Variants in AP4E1 observed in about 807,000 individuals in gnomAD.
AP4E1 encodes AP-4 complex subunit epsilon-1.
In AP4E1, 56 loss-of-function variants were observed where a neutral mutation model predicts 128.2. The ratio of observed to expected loss-of-function variants is 0.44; its 90% CI spans 0.35 to 0.55. AP4E1 has a LOEUF of 0.55. AP4E1 is among the 20% of genes least tolerant of loss of function. The pLI, the probability that AP4E1 is intolerant of heterozygous loss-of-function variation, is 0.00. For synonymous variants in AP4E1, 484 were observed against 473.1 expected, an observed-to-expected ratio of 1.02 and a Z score of -0.30; for missense variants, 1,324 against 1,307.7, an observed-to-expected ratio of 1.01 and a Z score of -0.19.
intron 8 of AP4E1, among the ~76,000 whole-genome samples, chr15:50,937,221 GTC>G (rs901740724): frequency 6.6e-6 from 1 of 152,186 alleles, no homozygotes; most frequent in African/African-American, 2.4e-5. Flanking sequence ...CAGGGACTGT[GTC>G]TCTCTTATTA....
At chr15:50,992,316 A>C (rs1030586920) in intron 16 of AP4E1, among the ~76,000 whole-genome samples, 1 of 152,196 alleles carries the variant, frequency 6.6e-6, no homozygotes, top group African/African-American at 2.4e-5. Context: ...CAAAAGTTAC[A>C]TGTGGATTTT....
chr15:50,958,388 C>T (rs981091815), intron 13 of AP4E1, 104 bp from the exon 14 acceptor site: 1 of 928,578 alleles, frequency 1.1e-6, no homozygotes, highest in Non-Finnish European at 1.6e-6. Context: ...GATGTTTAAT[C>T]TACTTTAAAT....
intron 10 of AP4E1, among the ~76,000 whole-genome samples, chr15:50,946,369 A>G (rs1351049781): frequency 1.3e-5 from 2 of 152,178 alleles, no homozygotes; most frequent in African/African-American, 4.8e-5. Flanking sequence ...TAATAATTAC[A>G]ATGATGTTTC....
At chr15:50,998,963 C>T in intron 18 of AP4E1, 109 bp from the exon 19 acceptor site, 1 of 1,012,448 alleles carries the variant, frequency 9.9e-7, no homozygotes, top group Middle Eastern at 2.5e-4. Context: ...TATTAACTTC[C>T]CATATTAGTA....
intron 3 of AP4E1, among the ~76,000 whole-genome samples, 197 bp from the exon 4 acceptor site, chr15:50,923,734 A>G (rs555876330): frequency 1.3e-5 from 2 of 152,208 alleles, no homozygotes; most frequent in Non-Finnish European, 2.9e-5. Flanking sequence ...TATGAAATAC[A>G]TAATTCTGGA....
chr15:50,940,072 G>A (rs1453727937), intron 8 of AP4E1, among the ~76,000 whole-genome samples: 1 of 152,142 alleles, frequency 6.6e-6, no homozygotes, highest in East Asian at 1.9e-4. Flanking sequence ...GCTGAAGGCT[G>A]GATTTAGTGG....
At chr15:50,985,295 C>T (rs1019377111) in intron 16 of AP4E1, among the ~76,000 whole-genome samples, 2 of 152,172 alleles carry the variant, frequency 1.3e-5, no homozygotes, top group Non-Finnish European at 2.9e-5. Flanking sequence ...TTTTGCTGTG[C>T]AGAAGCTCTT....
chr15:50,969,060 T>C (rs1228242359), intron 15 of AP4E1, among the ~76,000 whole-genome samples: 3 of 152,096 alleles, frequency 2.0e-5, no homozygotes, highest in Admixed American at 1.3e-4. Context: ...GTTTGTTACA[T>C]AGGTAAACTT....
chr15:50,918,983 C>T (rs972788218), intron 3 of AP4E1, among the ~76,000 whole-genome samples: 1 of 151,900 alleles, frequency 6.6e-6, no homozygotes, highest in Non-Finnish European at 1.5e-5. Context: ...AATCCCAGCA[C>T]TTTGAGAGGC....
chr15:50,943,131 T>C (rs1182912868), intron 10 of AP4E1, among the ~76,000 whole-genome samples: 1 of 152,156 alleles, frequency 6.6e-6, no homozygotes, highest in Admixed American at 6.6e-5. Flanking sequence ...CTCCCACTTA[T>C]AAGTGAGAAC....
chr15:50,942,416 T>C (rs1007884925), intron 10 of AP4E1, among the ~76,000 whole-genome samples: 3 of 152,070 alleles, frequency 2.0e-5, no homozygotes, highest in Non-Finnish European at 2.9e-5. Flanking sequence ...AATTTCCTGT[T>C]ATTGTACAAT....
Position 51,001,089 on chromosome 15 carries a change from A to G in AP4E1, c.3159A>G (p.Lys1053=), listed in dbSNP as rs987266226. The part of the protein sequence containing the change: ...KLWLSFANDV[K]QNVKMSESQA... ...GGTTATCCTTCGCAAATGATGTGAAACAAAATGTAAAAATGTCAGAATCTC... is the reference window on the plus strand; with the variant it reads ...GGTTATCCTTCGCAAATGATGTGAAGCAAAATGTAAAAATGTCAGAATCTC... The change falls in exon 20 of 21, where the codon AAA becomes AAG. Residue 1053 remains lysine (K), a synonymous_variant. Transcript: ENST00000261842. The G allele has an allele frequency of 4.3e-6, 7 of 1,613,568 alleles. No individual in the cohort carries two copies. In the African/African-American group the frequency reaches 9.3e-5, roughly 22 times the overall value.
At chr15:50,961,468 A>C (rs1284940969) in intron 14 of AP4E1, among the ~76,000 whole-genome samples, 1 of 151,986 alleles carries the variant, frequency 6.6e-6, no homozygotes, top group African/African-American at 2.4e-5. Flanking sequence ...AAATCAATAA[A>C]TGTGATACTT....
chr15:51,002,745 G>C lies in AP4E1; in HGVS notation c.*83G>C. On this transcript the variant is annotated 3_prime_UTR_variant, in exon 21 of 21. Transcript: ENST00000261842. ...TTTACCAAAGTAAAAAGAACTCATG[G>C]TACTTCTAATGAAAATGGGGATTAT... is the stretch of plus-strand genomic sequence containing the variant. The C allele has an allele frequency of 6.6e-7, 1 of 1,505,792 alleles. No individual in the cohort carries two copies. Among genetic ancestry groups the C allele is most frequent in the Non-Finnish European group, 9.1e-7 (1 of 1,094,066 alleles). The allele number at this position is 1,505,792 out of a possible 1,614,324, so 93.3% of individuals were successfully genotyped here.
chr15:50,974,166 A>G (rs1024976769), intron 15 of AP4E1, among the ~76,000 whole-genome samples: 1 of 151,802 alleles, frequency 6.6e-6, no homozygotes, highest in African/African-American at 2.4e-5. Context: ...GGGTTTTGCC[A>G]TGTTGGCCAG....
chr15:50,934,752 C>A, intron 8 of AP4E1, 55 bp downstream of exon 8: 1 of 1,164,350 alleles, frequency 8.6e-7, no homozygotes, highest in South Asian at 1.3e-5. Flanking sequence ...TTTAGTATTG[C>A]AGTTAAATCT....
intron 13 of AP4E1, among the ~76,000 whole-genome samples, chr15:50,951,883 C>T (rs1221980234): frequency 6.6e-6 from 1 of 151,944 alleles, no homozygotes; most frequent in Non-Finnish European, 1.5e-5. Flanking sequence ...CACGCCACTG[C>T]TTCTGGCTAA....
chr15:50,908,709 C>A lies in AP4E1; in HGVS notation c.-70C>A. On this transcript the variant is annotated 5_prime_UTR_variant, in exon 1 of 21. Transcript: ENST00000261842. ...GTGCCTACGGAGGCCGGGCCGGCAG[C>A]GGCGGCCGGGCATGAAGCCGGGCGG... 1 of 1,395,972 alleles carries A rather than the reference C, an allele frequency of 7.2e-7. No individual in the cohort carries two copies. Among genetic ancestry groups the A allele is most frequent in the Non-Finnish European group, 9.3e-7 (1 of 1,077,978 alleles). The allele number at this position is 1,395,972 out of a possible 1,614,324, so 86.5% of individuals were successfully genotyped here. A position where few individuals can be genotyped will look rare whatever the true frequency, so the allele number is the denominator to read the frequency against.
intron 11 of AP4E1, 60 bp from the exon 12 acceptor site, chr15:50,949,766 A>G (rs2064118876): frequency 7.8e-7 from 1 of 1,281,302 alleles, no homozygotes; most frequent in Non-Finnish European, 1.1e-6. Context: ...AGATTGCTAC[A>G]GAAGGGTAAT....
Sources: gnomAD v4.1 joint callset for allele counts (sites outside exome capture counted in the v4.1 genomes callset) on GRCh38, gnomAD v4.1.1 for gene constraint, MANE v1.5 for transcripts, NCBI Gene and HGNC (gene_info 2026-07-23, HGNC 2026-07-21) for gene names.